Variants in ASCC1 observed in about 807,000 individuals in gnomAD.
The protein encoded by ASCC1 is activating signal cointegrator 1 complex subunit 1, also known as ASC-1 complex subunit P50.
In ASCC1, 35 loss-of-function variants were observed where a neutral mutation model predicts 46.6. The ratio of observed to expected loss-of-function variants is 0.75; its 90% CI spans 0.57 to 0.99. The LOEUF is 0.99. Ranked by LOEUF, ASCC1 falls within the 50% of genes least tolerant of loss-of-function variation. ASCC1 has a pLI of 0.00. For synonymous variants in ASCC1, 143 were observed against 146.6 expected (o/e 0.98, Z 0.18); for missense variants, 376 against 428.7 (o/e 0.88, Z 1.09).
chr10:72,112,444 T>C (rs1425276342), intron 9 of ASCC1, among the ~76,000 whole-genome samples: 1 of 151,898 alleles, frequency 6.6e-6, no homozygotes, highest in African/African-American at 2.4e-5. Flanking sequence ...TTCATTAAAA[T>C]GAGTTTTAAT....
In ASCC1 at chr10:72,096,090, T is replaced by C. The variant is rs1213741618; in HGVS notation, c.*1244A>G. ...GCAGTCCCAATAATAAATCTCACTG[T>C]TAGACACAGTCCTCACAATGTAGCA... On this transcript the variant is annotated 3_prime_UTR_variant, in exon 10 of 10. Transcript: ENST00000672957. 2.2e-6 allele frequency: 1 copy of C among 454,078 alleles called. No individual in the cohort carries two copies. Among genetic ancestry groups the C allele is most frequent in the Non-Finnish European group, 4.4e-6 (1 of 226,758 alleles). The allele number at this position is 454,078 out of a possible 1,614,324, so 28.1% of individuals were successfully genotyped here.
At chr10:72,167,242 G>C (rs1471473893) in intron 5 of ASCC1, among the ~76,000 whole-genome samples, 1 of 152,134 alleles carries the variant, frequency 6.6e-6, no homozygotes, top group Non-Finnish European at 1.5e-5. Flanking sequence ...ACAAAATGTA[G>C]GCTAGCCATA....
chr10:72,123,511 G>A (rs1285749948), intron 9 of ASCC1, among the ~76,000 whole-genome samples: 1 of 152,098 alleles, frequency 6.6e-6, no homozygotes, highest in East Asian at 1.9e-4. Flanking sequence ...AATAGTGGGG[G>A]AGGCTGTGCG....
intron 7 of ASCC1, among the ~76,000 whole-genome samples, chr10:72,145,259 G>A (rs950450171): frequency 6.6e-6 from 1 of 152,094 alleles, no homozygotes; most frequent in Admixed American, 6.5e-5. Flanking sequence ...TTCTTTTTAT[G>A]TATTGTTTGC....
chr10:72,157,248 C>T (rs1849095455), intron 6 of ASCC1, among the ~76,000 whole-genome samples: 1 of 152,168 alleles, frequency 6.6e-6, no homozygotes, highest in Non-Finnish European at 1.5e-5. Flanking sequence ...TCCATCAATA[C>T]ACAATGTATC....
Position 72,201,587 on chromosome 10 carries a change from G to A in ASCC1, c.310+1840C>T, listed in dbSNP as rs137938740. 1.2e-3 allele frequency among the ~76,000 whole-genome samples: 189 copies of A among 152,132 alleles called. 2 individuals carry two copies. Among genetic ancestry groups the A allele is most frequent in the African/African-American group, 3.9e-3 (161 of 41,516 alleles). ...TGTAGTCCCAGCTACTTGGAAGGCC[G>A]AGGGAAAAGTATTGCTTGAGCCCAG... On this transcript the variant is annotated intron_variant, in intron 4 of 9. Transcript: ENST00000672957.
intron 6 of ASCC1, among the ~76,000 whole-genome samples, chr10:72,155,892 AC>A (rs1290846521): frequency 1.1e-4 from 16 of 152,174 alleles, no homozygotes; most frequent in African/African-American, 3.9e-4. Context: ...AAAATCTCAC[AC>A]CATGACTTAT....
rs551086250 is a variant in ASCC1, at chr10:72,102,359, C to T, written c.958-4909G>A. Reference sequence around the variant, plus strand: ...CCACTAGCTCTCTGTGTCCCAAGCCCTTCTCGATTCTAGGATTTTCCTGGT... The same window carrying T: ...CCACTAGCTCTCTGTGTCCCAAGCCTTTCTCGATTCTAGGATTTTCCTGGT... On this transcript the variant is annotated intron_variant, in intron 9 of 9. Transcript: ENST00000672957. 115 of 1,550,232 alleles carry T rather than the reference C, an allele frequency of 7.4e-5. No individual in the cohort carries two copies. The African/African-American group carries it at 1.5e-3, about 20-fold the overall frequency.
At chr10:72,197,816 C>G (rs1002291261) in intron 4 of ASCC1, among the ~76,000 whole-genome samples, 1 of 150,278 alleles carries the variant, frequency 6.7e-6, no homozygotes, top group African/African-American at 2.5e-5. Flanking sequence ...TGAGGCACAA[C>G]AATGGCTTGA....
rs570306556 is a variant in ASCC1 at position 72,166,749 on chromosome 10, C to T, written c.490-5075G>A. Among the ~76,000 whole-genome samples the T allele has an allele frequency of 1.6e-3, 244 of 152,012 alleles. 3 individuals carry two copies. The highest frequency in any genetic ancestry group is 5.5e-3 in the African/African-American group (227 of 41,504). On this transcript the variant is annotated intron_variant, in intron 5 of 9. Transcript: ENST00000672957. ...CTTAAAGTTCAACAATAAAAAGATA[C>T]ATAATCCAATTTTAAAATAAGCTAA...
At chr10:72,186,504 C>G (rs1853469189) in intron 5 of ASCC1, among the ~76,000 whole-genome samples, 1 of 152,110 alleles carries the variant, frequency 6.6e-6, no homozygotes, top group African/African-American at 2.4e-5. Context: ...CAACTGCTAT[C>G]TCAGTGAACA....
rs569139870 is a variant in ASCC1 at position 72,172,006 on chromosome 10, G to A, written c.490-10332C>T. On this transcript the variant is annotated intron_variant, in intron 5 of 9. Transcript: ENST00000672957. ...GACAAAGGCAAGACAAGGAAGTCTA[G>A]GGTGCTGATAAGATTGTATCTCCAG... Among the ~76,000 whole-genome samples, 4 of 152,314 alleles carry A rather than the reference G, an allele frequency of 2.6e-5. No individual in the cohort carries two copies. In the South Asian group the frequency reaches 8.3e-4, roughly 32 times the overall value.
intron 9 of ASCC1, among the ~76,000 whole-genome samples, chr10:72,102,063 T>C (rs946502628): frequency 2.0e-5 from 3 of 152,078 alleles, no homozygotes; most frequent in East Asian, 3.8e-4. Context: ...AGTGATGTAA[T>C]AATCTGTGCA....
intron 9 of ASCC1, chr10:72,102,184 T>C (rs1262776066): frequency 4.5e-6 from 3 of 667,404 alleles, no homozygotes; most frequent in Non-Finnish European, 7.9e-6. Flanking sequence ...ACTTTCTAGA[T>C]GAGAAGGAGA....
chr10:72,133,572 G>C lies in ASCC1; in HGVS notation c.747-391C>G, dbSNP rs184425590. The stretch of plus-strand genomic sequence containing the variant: ...AGCAAGTGCAAAGATGCCAAGGCAT[G>C]CAAGATCACAGCATATTCAAAAAAC... On this transcript the variant is annotated intron_variant, in intron 7 of 9. Transcript: ENST00000672957. 1.7e-5 allele frequency: 5 copies of C among 295,166 alleles called. No homozygotes were observed. The East Asian group carries it at 4.4e-4, about 26-fold the overall frequency. The allele number at this position is 295,166 out of a possible 1,614,324, so 18.3% of individuals were successfully genotyped here. A position where few individuals can be genotyped will look rare whatever the true frequency, so the allele number is the denominator to read the frequency against.
chr10:72,182,541 C>CA (rs1852772707), intron 5 of ASCC1, among the ~76,000 whole-genome samples: 1 of 147,094 alleles, frequency 6.8e-6, no homozygotes, highest in Non-Finnish European at 1.5e-5. Flanking sequence ...TTAACAACAA[C>CA]AAAAAAAGGC....
intron 7 of ASCC1, chr10:72,133,881 C>T (rs1845884522): frequency 6.5e-6 from 1 of 153,034 alleles, no homozygotes; most frequent in Non-Finnish European, 1.5e-5. Context: ...TCTGTTAAAT[C>T]ATTTAATCCT....
At chr10:72,213,131 C>A in intron 2 of ASCC1, 56 bp downstream of exon 2, 1 of 1,251,296 alleles carries the variant, frequency 8.0e-7, no homozygotes, top group South Asian at 1.2e-5. Flanking sequence ...AAAAATTGAT[C>A]CTACAATACA....
rs111588756 is a variant in ASCC1, at chr10:72,138,498, A to G, written c.747-5317T>C. 9.0e-4 allele frequency among the ~76,000 whole-genome samples: 137 copies of G among 152,240 alleles called. 2 individuals carry two copies. Among genetic ancestry groups the G allele is most frequent in the African/African-American group, 3.2e-3 (133 of 41,546 alleles). ...AGTGTAACCTGCTCTTTTTACACAG[A>G]AGGAAATGATGCAGAGAGGCTGGGT... On this transcript the variant is annotated intron_variant, in intron 7 of 9. Transcript: ENST00000672957.
Sources: gnomAD v4.1 joint callset for allele counts (sites outside exome capture counted in the v4.1 genomes callset) on GRCh38, gnomAD v4.1.1 for gene constraint, MANE v1.5 for transcripts, NCBI Gene and HGNC (gene_info 2026-07-23, HGNC 2026-07-21) for gene names.